SLC35F3: variants seen among roughly 807,000 people sequenced by gnomAD.
The protein encoded by SLC35F3 is solute carrier family 35 member F3.
A neutral mutation model predicts 49.9 loss-of-function variants in SLC35F3; 25 were observed. That is an observed-to-expected ratio of 0.50 (90% confidence interval 0.37 to 0.70). The LOEUF (loss-of-function observed/expected upper bound fraction) is 0.70, where lower values mean the gene tolerates loss of function less well. Ranked by LOEUF, SLC35F3 falls within the 30% of genes least tolerant of loss-of-function variation. SLC35F3 has a pLI of 0.00. For synonymous variants in SLC35F3, 275 were observed against 265.4 expected (o/e 1.04, Z -0.35); for missense variants, 525 against 639.8 (o/e 0.82, Z 1.94).
intron 2 of SLC35F3, among the ~76,000 whole-genome samples, chr1:234,051,644 C>T (rs930907780): frequency 1.3e-5 from 2 of 152,110 alleles, no homozygotes; most frequent in Non-Finnish European, 2.9e-5. Context: ...TTTCTCCTGC[C>T]TGATTACCCT....
chr1:234,112,394 C>T (rs1236455864), intron 2 of SLC35F3, among the ~76,000 whole-genome samples: 2 of 152,066 alleles, frequency 1.3e-5, no homozygotes, highest in Non-Finnish European at 2.9e-5. Context: ...CATACTTTCC[C>T]TATAACAATG....
intron 3 of SLC35F3, chr1:234,285,281 C>G: frequency 2.2e-6 from 1 of 459,652 alleles, no homozygotes; most frequent in South Asian, 1.5e-5. Flanking sequence ...ACATCCTTAT[C>G]CAGAAGAATG....
intron 2 of SLC35F3, among the ~76,000 whole-genome samples, chr1:234,151,701 T>C (rs1023238387): frequency 1.3e-5 from 2 of 152,048 alleles, no homozygotes; most frequent in African/African-American, 4.8e-5. Flanking sequence ...TTCTAAAAGT[T>C]AAAAGAAATG....
chr1:234,070,597 G>T (rs1160762514), intron 2 of SLC35F3, among the ~76,000 whole-genome samples: 1 of 152,108 alleles, frequency 6.6e-6, no homozygotes, highest in Non-Finnish European at 1.5e-5. Flanking sequence ...AGAATGTTGG[G>T]TGTGTCCGCA....
intron 1 of SLC35F3, 87 bp from the exon 2 acceptor site, chr1:233,905,442 G>C (rs1661757838): frequency 9.6e-7 from 1 of 1,039,392 alleles, no homozygotes; most frequent in Admixed American, 2.4e-5. Flanking sequence ...TCTTGCTCTC[G>C]CCCTGGGATC....
chr1:233,933,575 G>A (rs1223202011), intron 2 of SLC35F3, among the ~76,000 whole-genome samples: 1 of 152,152 alleles, frequency 6.6e-6, no homozygotes, highest in Non-Finnish European at 1.5e-5. Context: ...AGTAAGAAAA[G>A]GGAACTGGGC....
At chr1:234,047,064 G>T (rs990745985) in intron 2 of SLC35F3, among the ~76,000 whole-genome samples, 7 of 152,134 alleles carry the variant, frequency 4.6e-5, no homozygotes, top group Non-Finnish European at 7.4e-5. Flanking sequence ...AGATGAACTT[G>T]TCAAGTTTTG....
chr1:234,299,297 C>T (rs1331938799), intron 3 of SLC35F3, among the ~76,000 whole-genome samples: 4 of 152,140 alleles, frequency 2.6e-5, no homozygotes, highest in Non-Finnish European at 5.9e-5. Flanking sequence ...GAGTTCAAAC[C>T]CACCAACTGG....
At position 234,171,440 on chromosome 1, in the gene SLC35F3, G is replaced by T. The variant is rs1666398374; in HGVS notation, c.284-59977G>T. 3.3e-5 allele frequency among the ~76,000 whole-genome samples: 5 copies of T among 152,216 alleles called. No homozygotes were observed. The South Asian group carries it at 1.0e-3, about 32-fold the overall frequency. ...TGATCTGGCACATGTTGAGATAGAT[G>T]TAAATTTCTTACACAGAGGGGGGTG... On this transcript the variant is annotated intron_variant, in intron 2 of 7. Transcript: ENST00000366618.
chr1:234,050,149 AC>A (rs1664353431), intron 2 of SLC35F3, among the ~76,000 whole-genome samples: 1 of 152,214 alleles, frequency 6.6e-6, no homozygotes, highest in Non-Finnish European at 1.5e-5. Context: ...TTGGGTATAT[AC>A]CCAGTAATGG....
intron 2 of SLC35F3, among the ~76,000 whole-genome samples, chr1:233,998,523 C>T (rs1304877925): frequency 6.6e-6 from 1 of 150,830 alleles, no homozygotes; most frequent in East Asian, 1.9e-4. Context: ...CTATGCCTGA[C>T]TAGTGTAGTG....
chr1:233,922,486 C>CTT (rs35271789), intron 2 of SLC35F3, among the ~76,000 whole-genome samples: 43 of 112,322 alleles, frequency 3.8e-4, no homozygotes, highest in East Asian at 7.8e-4. Flanking sequence ...TTTTGATGGC[C>CTT]TTTTTTTTTT....
intron 2 of SLC35F3, among the ~76,000 whole-genome samples, chr1:234,038,188 C>G (rs1351755321): frequency 6.8e-6 from 1 of 147,172 alleles, no homozygotes; most frequent in Non-Finnish European, 1.5e-5. Flanking sequence ...TGTTCAATTC[C>G]CACCTATGAG....
At chr1:234,216,291 C>G (rs1478284116) in intron 2 of SLC35F3, among the ~76,000 whole-genome samples, 1 of 152,186 alleles carries the variant, frequency 6.6e-6, no homozygotes, top group Non-Finnish European at 1.5e-5. Flanking sequence ...TCTCCAGCAG[C>G]AGGGGGTCTC....
intron 2 of SLC35F3, among the ~76,000 whole-genome samples, chr1:233,954,704 T>G (rs994517449): frequency 1.3e-5 from 2 of 152,170 alleles, no homozygotes; most frequent in Non-Finnish European, 2.9e-5. Flanking sequence ...CTGCTGAGAT[T>G]AGGACAGACA....
At chr1:234,135,270 G>T (rs1378625970) in intron 2 of SLC35F3, among the ~76,000 whole-genome samples, 1 of 152,144 alleles carries the variant, frequency 6.6e-6, no homozygotes, top group Non-Finnish European at 1.5e-5. Context: ...TGAGGTAATA[G>T]ATACCCCATT....
intron 2 of SLC35F3, among the ~76,000 whole-genome samples, chr1:234,208,124 C>A (rs630921): frequency 0.64 from 96,907 of 152,096 alleles, 31,344 homozygotes; most frequent in East Asian, 0.99. Context: ...GTGGCCACTG[C>A]AGGTTGGCTG....
At chr1:234,180,502 C>A (rs575300715) in intron 2 of SLC35F3, among the ~76,000 whole-genome samples, 1 of 152,206 alleles carries the variant, frequency 6.6e-6, no homozygotes. Context: ...GCTCATGTCC[C>A]ACTAGGACTT....
intron 2 of SLC35F3, among the ~76,000 whole-genome samples, chr1:233,927,308 A>G (rs1369263181): frequency 6.6e-6 from 1 of 152,146 alleles, no homozygotes; most frequent in Admixed American, 6.6e-5. Context: ...GTAATTTTTG[A>G]TATGTAAGTA....
Sources: gnomAD v4.1 joint callset for allele counts (sites outside exome capture counted in the v4.1 genomes callset) on GRCh38, gnomAD v4.1.1 for gene constraint, MANE v1.5 for transcripts, NCBI Gene and HGNC (gene_info 2026-07-23, HGNC 2026-07-21) for gene names.